EPB41L1: variants seen among roughly 807,000 people sequenced by gnomAD.
EPB41L1 encodes band 4.1-like protein 1.
In EPB41L1, 29 loss-of-function variants were observed where a neutral mutation model predicts 97.8. That is an observed-to-expected ratio of 0.30 (90% CI 0.22 to 0.40). The LOEUF is 0.40. Among genes scored for constraint, EPB41L1 ranks in the 10% least tolerant of loss-of-function variants. The probability of loss-of-function intolerance (pLI) is 1.00; values close to 1 mark genes in which losing one functional copy is unlikely to be tolerated. For missense variants in EPB41L1, 812 were observed against 1,162.3 expected (o/e 0.70, Z 4.38); for synonymous variants, 383 against 459.2 (o/e 0.83, Z 2.12).
chr20:36,130,981 T>A (rs2059182387), intron 2 of EPB41L1, among the ~76,000 whole-genome samples: 1 of 150,172 alleles, frequency 6.7e-6, no homozygotes, highest in Non-Finnish European at 1.5e-5. Flanking sequence ...GCTAATTTTT[T>A]TTTTTTTTTT....
intron 1 of EPB41L1, among the ~76,000 whole-genome samples, chr20:36,156,629 A>G (rs991885283): frequency 6.6e-6 from 1 of 152,172 alleles, no homozygotes; most frequent in Non-Finnish European, 1.5e-5. Context: ...AGGGCTAGGC[A>G]TTGTAGCCTG....
chr20:36,171,504 G>A lies in EPB41L1; in HGVS notation c.-14-2260G>A, dbSNP rs140475644. Among the ~76,000 whole-genome samples the A allele has an allele frequency of 8.3e-4, 127 of 152,300 alleles. 2 individuals carry two copies. Among genetic ancestry groups the A allele is most frequent in the African/African-American group, 2.5e-3 (103 of 41,552 alleles). On this transcript the variant is annotated intron_variant, in intron 1 of 21. Transcript: ENST00000338074. ...TTCCTCCTCATCTTCCTTCTAAATA[G>A]CAGCATCAGTAACAACAAACCCTCT...
At chr20:36,141,283 T>C (rs573218662) in intron 2 of EPB41L1, among the ~76,000 whole-genome samples, 12 of 152,160 alleles carry the variant, frequency 7.9e-5, no homozygotes, top group Non-Finnish European at 1.6e-4. Flanking sequence ...AATAAAGTGC[T>C]CTGTAAAAAG....
Position 36,230,281 on chromosome 20 carries a change from G to C in EPB41L1, c.*941G>C, listed in dbSNP as rs2064432730. ...TTGTACGGATGTGCTTTGAAGTTAT[G>C]TATATTACATATAACAGGAAAAAAT... On this transcript the variant is annotated 3_prime_UTR_variant, in exon 22 of 22. Transcript: ENST00000338074. The C allele has an allele frequency of 7.9e-5, 12 of 152,612 alleles. No homozygotes were observed. Among genetic ancestry groups the C allele is most frequent in the Admixed American group, 7.9e-4 (12 of 15,272 alleles). The allele number at this position is 152,612 out of a possible 1,614,324, so 9.5% of individuals were successfully genotyped here.
chr20:36,169,144 T>C (rs999897068), intron 1 of EPB41L1, among the ~76,000 whole-genome samples: 1 of 151,626 alleles, frequency 6.6e-6, no homozygotes, highest in African/African-American at 2.4e-5. Flanking sequence ...GAGAAATTGC[T>C]TGAACCCAGG....
Position 36,206,164 on chromosome 20 carries a change from G to A in EPB41L1, c.1669-3324G>A, listed in dbSNP as rs1004515781. On this transcript the variant is annotated intron_variant, in intron 14 of 21. Coordinates refer to ENST00000338074, the MANE Select transcript of EPB41L1 (RefSeq NM_012156.2). This position sits in a 1 kb window ranked among gnomAD's most constrained non-coding sequence, Gnocchi z 5.5. ...CCCAGGAGGGGCTGCCCTGGCTTCC[G>A]GCCGCACATTGGCAGAAAAGCTCCT... 5.0e-5 allele frequency: 65 copies of A among 1,289,764 alleles called. No individual in the cohort carries two copies. Among genetic ancestry groups the A allele is most frequent in the Middle Eastern group, 2.1e-4 (1 of 4,718 alleles). The allele number at this position is 1,289,764 out of a possible 1,614,324, so 79.9% of individuals were successfully genotyped here.
chr20:36,125,588 G>A (rs2058931771), intron 2 of EPB41L1: 24 of 1,525,492 alleles, frequency 1.6e-5, no homozygotes, highest in Non-Finnish European at 2.1e-5. Flanking sequence ...AACCACAAGT[G>A]CACAGAGGCA....
intron 2 of EPB41L1, among the ~76,000 whole-genome samples, chr20:36,126,577 G>A (rs1001462670): frequency 7.2e-5 from 11 of 152,070 alleles, no homozygotes; most frequent in Non-Finnish European, 1.5e-4. Context: ...TGTTGGTCAG[G>A]CTGGTCTCAA....
chr20:36,153,050 G>A (rs779514323), upstream of EPB41L1: 24 of 456,626 alleles, frequency 5.3e-5, no homozygotes, highest in Middle Eastern at 3.2e-4. Context: ...TGGTGAGCAG[G>A]GGGAGTGAAG....
At chr20:36,097,476 A>G (rs1035693981) in intron 1 of EPB41L1, among the ~76,000 whole-genome samples, 1 of 152,240 alleles carries the variant, frequency 6.6e-6, no homozygotes, top group Non-Finnish European at 1.5e-5. Context: ...AATGTCAACT[A>G]TTATGACCAT....
At position 36,231,556 on chromosome 20, in the gene EPB41L1, AG is replaced by A. The variant is rs1330671033; in HGVS notation, c.*2218del. The A allele has an allele frequency of 6.6e-6, 1 of 152,332 alleles. No individual in the cohort carries two copies. The highest frequency in any genetic ancestry group is 1.5e-5 in the Non-Finnish European group (1 of 68,090). 9.4% of individuals were successfully genotyped at this position (152,332 alleles called of 1,614,324 possible). A position where few individuals can be genotyped will look rare whatever the true frequency, so the allele number is the denominator to read the frequency against. On this transcript the variant is annotated 3_prime_UTR_variant, in exon 22 of 22. Coordinates refer to ENST00000338074, the MANE Select transcript of EPB41L1 (RefSeq NM_012156.2). ...CGGGGCATAGCCCAGGGATGCCCCC[AG>A]GCGGCCCAGGTTAGATGCGTCCCTT...
chr20:36,152,733 C>G, upstream of EPB41L1: 1 of 321,426 alleles, frequency 3.1e-6, no homozygotes, highest in Non-Finnish European at 6.2e-6. Context: ...GTGTGGTGAG[C>G]TAAACTCAAA....
chr20:36,154,608 G>A (rs1054023053), upstream of EPB41L1: 20 of 850,256 alleles, frequency 2.4e-5, no homozygotes, highest in African/African-American at 4.1e-5. This position sits in a 1 kb window ranked among gnomAD's most constrained non-coding sequence, Gnocchi z 5.5. Context: ...AGCGGCGGCC[G>A]CCCCTGGGCT....
At chr20:36,141,565 G>T (rs186644375) in intron 2 of EPB41L1, among the ~76,000 whole-genome samples, 1 of 152,190 alleles carries the variant, frequency 6.6e-6, no homozygotes, top group South Asian at 2.1e-4. Context: ...TTGCTGAAAG[G>T]TGGGGGCTCT....
intron 7 of EPB41L1, 52 bp from the exon 8 acceptor site, chr20:36,187,624 A>C (rs2061738027): frequency 1.3e-6 from 2 of 1,488,574 alleles, no homozygotes; most frequent in Admixed American, 3.4e-5. Context: ...GGACAGCAGG[A>C]CTAAACCTGG....
intron 2 of EPB41L1, among the ~76,000 whole-genome samples, chr20:36,137,476 C>T (rs1189203952): frequency 6.6e-6 from 1 of 152,110 alleles, no homozygotes; most frequent in African/African-American, 2.4e-5. Context: ...CTGCCTCAGC[C>T]TCCCATAGTG....
intron 1 of EPB41L1, among the ~76,000 whole-genome samples, chr20:36,161,620 C>T (rs2060527087): frequency 6.6e-6 from 1 of 151,918 alleles, no homozygotes; most frequent in South Asian, 2.1e-4. Context: ...GGATTACAGG[C>T]ACGTGCCACC....
chr20:36,092,182 GGAGGTAGAC>G lies in EPB41L1; in HGVS notation c.-65+576_-65+584del, dbSNP rs2057679915. On this transcript the variant is annotated intron_variant, in intron 1 of 19. Transcript: ENST00000202028. The surrounding 1 kb of genome is among the most constrained non-coding windows in gnomAD (Gnocchi z 7.0). ...GGTGGGCGTGGGCCAGGTCCTGGCT[GGAGGTAGAC>G]GAGGTCGGCGAGCTGGGCGCGGGGC... 6.6e-6 allele frequency among the ~76,000 whole-genome samples: 1 copy of G among 152,218 alleles called. No homozygotes were observed. Among genetic ancestry groups the G allele is most frequent in the Non-Finnish European group, 1.5e-5 (1 of 68,042 alleles).
At chr20:36,225,581 C>T (rs1428536883) in intron 21 of EPB41L1, among the ~76,000 whole-genome samples, 6 of 152,158 alleles carry the variant, frequency 3.9e-5, no homozygotes, top group African/African-American at 9.7e-5. Flanking sequence ...GGTGTGTGAC[C>T]GTAGGTCCGT....
Sources: allele counts gnomAD v4.1 joint callset (sites outside exome capture counted in the v4.1 genomes callset), GRCh38; gene constraint gnomAD v4.1.1; non-coding constraint Gnocchi (gnomAD v3.1); transcripts MANE v1.5; gene names NCBI Gene and HGNC (gene_info 2026-07-23, HGNC 2026-07-21).